The following FADS2 variants were observed in gnomAD, a reference collection of about 807,000 sequenced individuals.
The protein encoded by FADS2 is acyl-CoA 6-desaturase.
A neutral mutation model predicts 61.2 loss-of-function variants in FADS2; 18 were observed. The observed-to-expected ratio is 0.29, with a 90% confidence interval of 0.20 to 0.44. The LOEUF (loss-of-function observed/expected upper bound fraction) is 0.44, where lower values mean the gene tolerates loss of function less well. Among genes scored for constraint, FADS2 ranks in the 20% least tolerant of loss-of-function variants. The pLI is 1.00. For synonymous variants in FADS2, 203 were observed against 223.9 expected (o/e 0.91, Z 0.83); for missense variants, 322 against 572.7 (o/e 0.56, Z 4.47).
upstream of FADS2, among the ~76,000 whole-genome samples, chr11:61,825,273 A>G (rs936106629): frequency 2.0e-5 from 3 of 152,016 alleles, no homozygotes; most frequent in East Asian, 5.8e-4. Context: ...CATCTCTACC[A>G]TCACCCCTGC....
At position 61,851,219 on chromosome 11, in the gene FADS2, G is replaced by C. The variant is rs1333124545; in HGVS notation, c.744+2935G>C. Among the ~76,000 whole-genome samples the C allele has an allele frequency of 3.3e-5, 5 of 152,316 alleles. No homozygotes were observed. The East Asian group carries it at 5.8e-4, about 18-fold the overall frequency. On this transcript the variant is annotated intron_variant, in intron 5 of 11. Coordinates refer to ENST00000278840, the MANE Select transcript of FADS2 (RefSeq NM_004265.4). ...GAGGCTTTGTAATGTAGAGCCGTTG[G>C]CTGTCCTGACAGATGTTCTCTGTGT...
In FADS2 at chr11:61,816,725, C is replaced by T. The variant is rs758868643; in HGVS notation, c.141+299C>T. Reference sequence around the variant, plus strand: ...AAGTAGCGCGGGGTAGGTCCCTGAGCCGCGGTCTCGGCGGCCACCGGGTCG... The same window carrying T: ...AAGTAGCGCGGGGTAGGTCCCTGAGTCGCGGTCTCGGCGGCCACCGGGTCG... On this transcript the variant is annotated intron_variant, in intron 1 of 11. Coordinates refer to the FADS2 transcript ENST00000257261. This position sits in a 1 kb window ranked among gnomAD's most constrained non-coding sequence, Gnocchi z 7.0. 8.3e-6 allele frequency: 13 copies of T among 1,564,438 alleles called. No homozygotes were observed. Among genetic ancestry groups the T allele is most frequent in the Non-Finnish European group, 1.0e-5 (12 of 1,155,384 alleles).
chr11:61,848,538 C>G (rs1047845056), intron 5 of FADS2: 1 of 553,762 alleles, frequency 1.8e-6, no homozygotes. Context: ...GATACCTCTC[C>G]TAGGTACCCT....
At position 61,845,557 on chromosome 11, in the gene FADS2, C is replaced by T. The variant is rs11230808; in HGVS notation, c.619-2602C>T. Among the ~76,000 whole-genome samples, 644 of 152,144 alleles carry T rather than the reference C, an allele frequency of 4.2e-3. 23 individuals are homozygous for T. In the East Asian group the frequency reaches 0.11, roughly 25 times the overall value. ...CCTGTAATCCCAGCACTTTGGGAGG[C>T]GGAGGTGGGCGGATCACCTGGGTTC... On this transcript the variant is annotated intron_variant, in intron 4 of 11. Transcript: ENST00000278840.
At chr11:61,828,285 G>C (rs1591163945), upstream of FADS2, 1 of 1,466,876 alleles carries the variant, frequency 6.8e-7, no homozygotes, top group East Asian at 2.5e-5. This position sits in a 1 kb window ranked among gnomAD's most constrained non-coding sequence, Gnocchi z 6.4. Flanking sequence ...AGCCGAAAGC[G>C]AAGAGGGCCC....
intron 4 of FADS2, among the ~76,000 whole-genome samples, chr11:61,842,755 G>A (rs1337003582): frequency 6.6e-6 from 1 of 152,248 alleles, no homozygotes; most frequent in African/African-American, 2.4e-5. Context: ...AGAGCACGGA[G>A]GTCAAGCTTG....
At chr11:61,827,575 CCG>C (rs1751462523), upstream of FADS2, 1 of 152,250 alleles carries the variant, frequency 6.6e-6, no homozygotes, top group African/African-American at 2.4e-5. The surrounding 1 kb of genome is among the most constrained non-coding windows in gnomAD (Gnocchi z 4.5). Flanking sequence ...GTCTCGACTG[CCG>C]CGCGCCAAGG....
chr11:61,826,250 G>T (rs986965913), upstream of FADS2: 2 of 702,188 alleles, frequency 2.8e-6, no homozygotes, highest in Non-Finnish European at 5.2e-6. Flanking sequence ...TCATTCATTT[G>T]TGTCTTCAAC....
At chr11:61,859,908 C>A (rs1565336861) in intron 7 of FADS2, among the ~76,000 whole-genome samples, 1 of 152,134 alleles carries the variant, frequency 6.6e-6, no homozygotes, top group South Asian at 2.1e-4. Context: ...ATTGCTTGAA[C>A]CCGGGAGGCG....
chr11:61,826,277 T>C, upstream of FADS2: 2 of 702,544 alleles, frequency 2.8e-6, no homozygotes, highest in Non-Finnish European at 5.2e-6. Context: ...TTTTATGTTT[T>C]TTCAGGACCT....
At chr11:61,829,393 A>G (rs1402286462) in intron 1 of FADS2, 2 of 152,140 alleles carry the variant, frequency 1.3e-5, no homozygotes, top group Non-Finnish European at 2.9e-5. Flanking sequence ...CTCTCTTTTT[A>G]AATCCTGCCA....
In FADS2 at chr11:61,822,265, G is replaced by A. The variant is rs531587143; in HGVS notation, c.141+5839G>A. Among the ~76,000 whole-genome samples, 467 of 152,250 alleles carry A rather than the reference G, an allele frequency of 3.1e-3. 3 individuals carry two copies. The highest frequency in any genetic ancestry group is 5.7e-3 in the Non-Finnish European group (387 of 68,024). On this transcript the variant is annotated intron_variant, in intron 1 of 11. Transcript: ENST00000257261. ...ATTACAGGCGTGAGCCACCGCGCCCGGCCCAGTCTTCTTATCATTGTATAG... is the reference window on the plus strand; with the variant it reads ...ATTACAGGCGTGAGCCACCGCGCCCAGCCCAGTCTTCTTATCATTGTATAG...
chr11:61,816,527 T>C lies in FADS2; in HGVS notation c.141+101T>C. 1.9e-6 allele frequency: 3 copies of C among 1,597,394 alleles called. No homozygotes were observed. The highest frequency in any genetic ancestry group is 1.7e-4 in the Middle Eastern group (1 of 6,038). On this transcript the variant is annotated intron_variant, in intron 1 of 11. Transcript: ENST00000257261. The surrounding 1 kb of genome is among the most constrained non-coding windows in gnomAD (Gnocchi z 7.0). ...GCACTCAGCCTCCGGTCCCGCCCTC[T>C]CCTGTGCCCCCGCCTGGCTGCGCTC...
rs750294408 is a variant in FADS2 at position 61,837,848 on chromosome 11, A to G, written c.278A>G (p.Glu93Gly). ...TTCTTGAAACCCCTGCTGATTGGTGAACTGGCCCCGGAGGAGCCCAGCCAG... is the reference window on the plus strand; with the variant it reads ...TTCTTGAAACCCCTGCTGATTGGTGGACTGGCCCCGGAGGAGCCCAGCCAG... The part of the protein sequence containing the change: ...GKFLKPLLIG[E>G]LAPEEPSQDH... The change falls in exon 2 of 12, where the codon GAA becomes GGA. Residue 93 changes from glutamate to glycine, a missense_variant. By Grantham distance (98) the Glu-to-Gly change is moderately conservative. This residue lies in a region of FADS2 where 40 missense variants were observed against 37.3 expected (regional missense o/e 1.07). Transcript: ENST00000278840. The G allele has an allele frequency of 1.2e-6, 2 of 1,613,924 alleles. No homozygotes were observed. The highest frequency in any genetic ancestry group is 1.7e-6 in the Non-Finnish European group (2 of 1,179,926).
At chr11:61,853,177 C>CAACAA (rs778323523) in intron 5 of FADS2, among the ~76,000 whole-genome samples, 2 of 85,130 alleles carry the variant, frequency 2.3e-5, no homozygotes, top group Non-Finnish European at 4.6e-5. Context: ...ACAACAACAA[C>CAACAA]AACAAAACAA....
chr11:61,847,893 C>T (rs900796288), intron 4 of FADS2: 14 of 431,730 alleles, frequency 3.2e-5, no homozygotes, highest in Non-Finnish European at 5.6e-5. Flanking sequence ...ACCGTGTGGT[C>T]CCTCAGCAGC....
intron 7 of FADS2, chr11:61,862,337 G>A (rs1483471092): frequency 6.6e-6 from 1 of 152,584 alleles, no homozygotes; most frequent in Non-Finnish European, 1.5e-5. Flanking sequence ...GAGAGACAGT[G>A]GACAGGGTGG....
Position 61,863,162 on chromosome 11 carries a change from T to C in FADS2, c.980+93T>C, listed in dbSNP as rs141055240. The stretch of plus-strand genomic sequence containing the variant: ...GAGGCTCGGACGGCTCCACTTTGCC[T>C]GGGGACCTCCCATCCTGGCCCCTTG... On this transcript the variant is annotated intron_variant, in intron 8 of 11. Coordinates refer to ENST00000278840, the MANE Select transcript of FADS2 (RefSeq NM_004265.4). 8,593 of 1,445,108 alleles carry C rather than the reference T, an allele frequency of 5.9e-3. 233 individuals are homozygous for C. Among genetic ancestry groups the C allele is most frequent in the East Asian group, 0.054 (2,369 of 43,992 alleles). The allele number at this position is 1,445,108 out of a possible 1,614,324, so 89.5% of individuals were successfully genotyped here.
intron 1 of FADS2, among the ~76,000 whole-genome samples, chr11:61,834,938 C>T (rs747302270): frequency 6.6e-6 from 1 of 151,792 alleles, no homozygotes. Context: ...CCACTGCAAC[C>T]CTGGGCTCCT....
Sources: allele counts gnomAD v4.1 joint callset (sites outside exome capture counted in the v4.1 genomes callset), GRCh38; gene constraint gnomAD v4.1.1; regional missense constraint gnomAD v4.1.1; non-coding constraint Gnocchi (gnomAD v3.1); transcripts MANE v1.5; gene names NCBI Gene and HGNC (gene_info 2026-07-23, HGNC 2026-07-21).